WIPF2: variants seen among roughly 807,000 people sequenced by gnomAD.
WIPF2 encodes the protein WAS/WASL interacting protein family member 2.
Under a neutral mutation model 38.8 loss-of-function variants are expected in WIPF2, and 23 were observed. The ratio of observed to expected loss-of-function variants is 0.59; its 90% CI spans 0.43 to 0.84. The LOEUF is 0.84. Ranked by LOEUF, WIPF2 falls within the 40% of genes least tolerant of loss-of-function variation. WIPF2 has a pLI of 0.00. For synonymous variants in WIPF2, 210 were observed against 223.2 expected (o/e 0.94, Z 0.53); for missense variants, 574 against 580.5 (o/e 0.99, Z 0.11).
At chr17:40,234,525 G>C (rs1292045553) in intron 1 of WIPF2, among the ~76,000 whole-genome samples, 1 of 152,152 alleles carries the variant, frequency 6.6e-6, no homozygotes, top group African/African-American at 2.4e-5. Context: ...GAGGCTGAGA[G>C]GTGGGAGGAT....
Position 40,264,642 on chromosome 17 carries a change from T to C in WIPF2, c.466T>C (p.Leu156=). The part of the protein sequence containing the change: ...PELPRMQRPS[L]PDLSRPNTTS... Reference sequence around the variant, plus strand: ...ACTGCCCCGGATGCAGAGACCCTCTTTACCGGACCTCTCTCGGCCTAATAC... The same window carrying C: ...ACTGCCCCGGATGCAGAGACCCTCTCTACCGGACCTCTCTCGGCCTAATAC... Residue 156 remains leucine, a synonymous_variant, in exon 5 of 8, where the codon TTA becomes CTA. Coordinates refer to ENST00000323571, the MANE Select transcript of WIPF2 (RefSeq NM_133264.5). The C allele has an allele frequency of 6.2e-7, 1 of 1,613,882 alleles. No individual in the cohort carries two copies. The highest frequency in any genetic ancestry group is 8.5e-7 in the Non-Finnish European group (1 of 1,179,886).
chr17:40,223,536 A>G (rs1295522669), intron 1 of WIPF2, among the ~76,000 whole-genome samples: 1 of 151,774 alleles, frequency 6.6e-6, no homozygotes, highest in Non-Finnish European at 1.5e-5. Flanking sequence ...TTTTTAGGAA[A>G]AAAAAAAGGC....
intron 5 of WIPF2, among the ~76,000 whole-genome samples, chr17:40,267,292 G>A (rs1365596787): frequency 3.3e-5 from 5 of 152,144 alleles, no homozygotes; most frequent in African/African-American, 4.8e-5. Flanking sequence ...AGGAAGGGAA[G>A]GGTGTATGTG....
chr17:40,277,061 T>C (rs1182566123), intron 6 of WIPF2, 22 bp from the exon 7 acceptor site: 1 of 1,590,166 alleles, frequency 6.3e-7, no homozygotes, highest in East Asian at 2.2e-5. Flanking sequence ...TGATAGGAAT[T>C]AATGTTCTAT....
At chr17:40,271,388 A>G (rs972257374) in intron 5 of WIPF2, among the ~76,000 whole-genome samples, 2 of 152,184 alleles carry the variant, frequency 1.3e-5, no homozygotes, top group Non-Finnish European at 2.9e-5. Context: ...ACATGCCTAT[A>G]ATCCCAGCCC....
At chr17:40,222,525 A>G (rs903921010) in intron 1 of WIPF2, among the ~76,000 whole-genome samples, 11 of 150,766 alleles carry the variant, frequency 7.3e-5, no homozygotes, top group African/African-American at 2.7e-4. Flanking sequence ...AACAACAACA[A>G]CAACAAAAGG....
chr17:40,240,547 C>A (rs1466212413), intron 1 of WIPF2, among the ~76,000 whole-genome samples: 4 of 151,192 alleles, frequency 2.6e-5, no homozygotes, highest in African/African-American at 9.7e-5. Flanking sequence ...AGTTATTTAT[C>A]ACTAGTGCAT....
intron 4 of WIPF2, 131 bp from the exon 5 acceptor site, chr17:40,264,359 A>AAAAAAAAC: frequency 1.4e-6 from 1 of 711,648 alleles, no homozygotes; most frequent in Non-Finnish European, 2.3e-6. Flanking sequence ...AAAAAGAAAA[A>AAAAAAAAC]CAAAAAACCC....
rs1261095458 is a variant in WIPF2 at position 40,264,982 on chromosome 17, C to T, written c.806C>T (p.Thr269Ile). The T allele has an allele frequency of 5.0e-6, 8 of 1,614,062 alleles. No homozygotes were observed. Among genetic ancestry groups the T allele is most frequent in the Non-Finnish European group, 5.9e-6 (7 of 1,180,016 alleles). The stretch of plus-strand genomic sequence containing the variant: ...GTCCCCAATGGACCCTCTAGCCCCA[C>T]TAATGAGTCAGCCCCTGAGCTGCCA... ...PGVPNGPSSPTNESAPELPQR... is the reference protein window; with the variant it reads ...PGVPNGPSSPINESAPELPQR... Residue 269 changes from threonine (T) to isoleucine (I), a missense_variant, in exon 5 of 8, where the codon ACT (threonine) becomes ATT (isoleucine). Thr to Ile is a moderately conservative substitution (Grantham distance 89, BLOSUM62 -1). Transcript: ENST00000323571.
intron 1 of WIPF2, among the ~76,000 whole-genome samples, chr17:40,226,531 A>G (rs1024740037): frequency 2.6e-5 from 4 of 151,456 alleles, no homozygotes; most frequent in Non-Finnish European, 5.9e-5. Flanking sequence ...ATTTTCTTCT[A>G]AGGTAGTACA....
intron 5 of WIPF2, among the ~76,000 whole-genome samples, chr17:40,271,525 A>G (rs895753981): frequency 6.6e-6 from 1 of 152,114 alleles, no homozygotes; most frequent in Non-Finnish European, 1.5e-5. Context: ...AAAAAATTGA[A>G]CATGGCCTAG....
At chr17:40,220,631 A>ATATT (rs1567705944) in intron 1 of WIPF2, 3 of 123,988 alleles carry the variant, frequency 2.4e-5, no homozygotes, top group African/African-American at 9.7e-5. Flanking sequence ...ATATATATAT[A>ATATT]TTTTTTTGTT....
intron 1 of WIPF2, among the ~76,000 whole-genome samples, chr17:40,228,659 C>G (rs537224735): frequency 6.6e-6 from 1 of 151,634 alleles, no homozygotes; most frequent in African/African-American, 2.4e-5. Flanking sequence ...GACAGAGTCT[C>G]TCTCTGTCAC....
At chr17:40,270,062 A>G (rs1167903525) in intron 5 of WIPF2, among the ~76,000 whole-genome samples, 4 of 151,828 alleles carry the variant, frequency 2.6e-5, no homozygotes, top group African/African-American at 9.7e-5. Flanking sequence ...GTCACTTGAA[A>G]CAGTCTTAAA....
chr17:40,251,571 T>G (rs1454077891), intron 1 of WIPF2, among the ~76,000 whole-genome samples: 1 of 152,190 alleles, frequency 6.6e-6, no homozygotes, highest in Non-Finnish European at 1.5e-5. Flanking sequence ...AAATTTCATT[T>G]GGGGAAAAAT....
intron 2 of WIPF2, among the ~76,000 whole-genome samples, chr17:40,260,098 T>C (rs2031849485): frequency 6.6e-6 from 1 of 151,890 alleles, no homozygotes; most frequent in Non-Finnish European, 1.5e-5. Flanking sequence ...CTTTGGCATG[T>C]ATATCTAATG....
intron 6 of WIPF2, among the ~76,000 whole-genome samples, chr17:40,275,708 G>A (rs1387049348): frequency 6.6e-6 from 1 of 152,118 alleles, no homozygotes; most frequent in African/African-American, 2.4e-5. Flanking sequence ...TGGGACCACA[G>A]GTGTGCACCA....
Position 40,223,484 on chromosome 17 carries a change from G to A in WIPF2, c.-70+3992G>A, listed in dbSNP as rs1057310559. ...AACATTGGAGTTTTCAGGTTTTACT[G>A]ATGGCTTTTACGAAGGGAAGAGATT... is the stretch of plus-strand genomic sequence containing the variant. On this transcript the variant is annotated intron_variant, in intron 1 of 7. Transcript: ENST00000323571. Among the ~76,000 whole-genome samples the A allele has an allele frequency of 2.1e-4, 32 of 151,474 alleles. 1 individual carries two copies. The highest frequency in any genetic ancestry group is 7.8e-4 in the African/African-American group (32 of 41,184).
At chr17:40,255,450 C>T (rs1400027180) in intron 1 of WIPF2, among the ~76,000 whole-genome samples, 3 of 151,844 alleles carry the variant, frequency 2.0e-5, no homozygotes, top group Admixed American at 6.6e-5. Context: ...CTCAGCCTCC[C>T]GAGTAGCTGG....
Sources: allele counts gnomAD v4.1 joint callset (sites outside exome capture counted in the v4.1 genomes callset), GRCh38; gene constraint gnomAD v4.1.1; transcripts MANE v1.5; gene names NCBI Gene and HGNC (gene_info 2026-07-23, HGNC 2026-07-21).